The following MICAL3 variants were observed in gnomAD, a reference collection of about 807,000 sequenced individuals.
The protein encoded by MICAL3 is [F-actin]-monooxygenase MICAL3.
In MICAL3, 62 loss-of-function variants were observed where a neutral mutation model predicts 207.4. The ratio of observed to expected loss-of-function variants is 0.30; its 90% CI spans 0.24 to 0.37. The LOEUF (loss-of-function observed/expected upper bound fraction) is 0.37. MICAL3 is among the 10% of genes least tolerant of loss of function. The pLI, the probability that MICAL3 is intolerant of heterozygous loss-of-function variation, is 1.00. For missense variants in MICAL3, 2,368 were observed against 2,635.6 expected, an observed-to-expected ratio of 0.90 and a Z score of 2.22; for synonymous variants, 1,077 against 1,069.3, an observed-to-expected ratio of 1.01 and a Z score of -0.14.
At chr22:17,956,821 C>T (rs1211826074) in intron 1 of MICAL3, among the ~76,000 whole-genome samples, 3 of 152,174 alleles carry the variant, frequency 2.0e-5, no homozygotes, top group Non-Finnish European at 2.9e-5. Context: ...ACTACAGAGA[C>T]GAAGTCAGAC....
intron 22 of MICAL3, among the ~76,000 whole-genome samples, chr22:17,826,273 G>GA (rs1385372722): frequency 7.3e-6 from 1 of 136,290 alleles, no homozygotes; most frequent in Non-Finnish European, 1.7e-5. Context: ...CCTGAAGGGG[G>GA]GGTGTGCGTC....
chr22:17,806,567 A>G (rs2061991593), intron 29 of MICAL3, among the ~76,000 whole-genome samples: 1 of 152,236 alleles, frequency 6.6e-6, no homozygotes, highest in South Asian at 2.1e-4. Context: ...AAACCAACCA[A>G]ATAAAAAAAA....
At chr22:17,799,982 A>ACACACACACACACACG (rs932512538) in intron 29 of MICAL3, among the ~76,000 whole-genome samples, 67 of 147,754 alleles carry the variant, frequency 4.5e-4, no homozygotes, top group African/African-American at 1.3e-3. Flanking sequence ...ACACACACAC[A>ACACACACACACACACG]CGCGTTGGGA....
At chr22:17,822,457 C>G (rs5992116) in intron 23 of MICAL3, among the ~76,000 whole-genome samples, 5,802 of 152,292 alleles carry the variant, frequency 0.038, 351 homozygotes, top group African/African-American at 0.13. Flanking sequence ...CTGCGACAGA[C>G]AAAGACAGGG....
chr22:17,819,298 G>T (rs953403885), intron 25 of MICAL3, among the ~76,000 whole-genome samples, 169 bp from the exon 26 acceptor site: 1 of 152,150 alleles, frequency 6.6e-6, no homozygotes, highest in African/African-American at 2.4e-5. Context: ...TCCACTTTCT[G>T]CTCCAGGTGT....
chr22:17,887,743 C>T (rs1448693475), intron 13 of MICAL3, among the ~76,000 whole-genome samples: 2 of 152,214 alleles, frequency 1.3e-5, no homozygotes, highest in Admixed American at 6.5e-5. Context: ...TTGTTAGTTA[C>T]AGCAGAGTGC....
chr22:17,880,873 CT>C (rs1929350968), intron 16 of MICAL3, among the ~76,000 whole-genome samples: 1 of 152,226 alleles, frequency 6.6e-6, no homozygotes, highest in African/African-American at 2.4e-5. Context: ...AAAGGGCTGC[CT>C]TCAGTGGGGT....
At chr22:17,812,398 C>T (rs556964549) in intron 27 of MICAL3, 32 of 406,048 alleles carry the variant, frequency 7.9e-5, no homozygotes, top group South Asian at 3.0e-4. Flanking sequence ...GCCCCATGCA[C>T]GCACAAACAC....
In MICAL3 at chr22:17,827,794, G is replaced by T; in HGVS notation, c.3056-13C>A. Reference sequence around the variant, plus strand: ...CTCTGGTTCCCGGCTAGTGTCCCAGGGTCAAGGGGTGGAGAAATGAGGTGG... The same window carrying T: ...CTCTGGTTCCCGGCTAGTGTCCCAGTGTCAAGGGGTGGAGAAATGAGGTGG... On this transcript the variant is annotated splice_polypyrimidine_tract_variant and intron_variant, in intron 21 of 31. Coordinates refer to ENST00000441493, the MANE Select transcript of MICAL3 (RefSeq NM_015241.3). 3 of 1,538,316 alleles carry T rather than the reference G, an allele frequency of 2.0e-6. No homozygotes were observed. Among genetic ancestry groups the T allele is most frequent in the Non-Finnish European group, 2.6e-6 (3 of 1,138,900 alleles).
At position 17,864,659 on chromosome 22, in the gene MICAL3, G is replaced by C. The variant is rs1467758646; in HGVS notation, c.2605+240C>G. ...CCGCCCACCGGACGGCCCCATCACT[G>C]GGCCACAGCCTGCCAGTGGAACTCC... On this transcript the variant is annotated intron_variant, in intron 19 of 31. Coordinates refer to ENST00000441493, the MANE Select transcript of MICAL3 (RefSeq NM_015241.3). The C allele has an allele frequency of 1.9e-6, 3 of 1,601,396 alleles. No homozygotes were observed. The South Asian group carries it at 3.3e-5, about 18-fold the overall frequency.
At chr22:17,988,437 G>C (rs965343775) in intron 1 of MICAL3, among the ~76,000 whole-genome samples, 1 of 152,050 alleles carries the variant, frequency 6.6e-6, no homozygotes, top group Non-Finnish European at 1.5e-5. Context: ...AAAGAATGGT[G>C]TTTACATTTC....
intron 1 of MICAL3, among the ~76,000 whole-genome samples, chr22:17,970,202 C>A (rs1434456267): frequency 1.3e-5 from 2 of 152,336 alleles, no homozygotes; most frequent in Admixed American, 6.5e-5. Context: ...GAAGGGAGGA[C>A]AGATGGCTTC....
At chr22:17,809,051 C>G (rs1460665824) in intron 28 of MICAL3, 114 bp from the exon 29 acceptor site, 6 of 899,154 alleles carry the variant, frequency 6.7e-6, no homozygotes, top group Non-Finnish European at 1.0e-5. Context: ...GGAAAGGGCT[C>G]TAGTCTGTGG....
intron 29 of MICAL3, among the ~76,000 whole-genome samples, chr22:17,795,290 A>G (rs971425679): frequency 6.6e-5 from 10 of 152,246 alleles, no homozygotes; most frequent in South Asian, 2.1e-4. Flanking sequence ...TTCAAAGTGT[A>G]GTCTGTCTTC....
At chr22:17,959,730 G>A (rs547282278) in intron 1 of MICAL3, among the ~76,000 whole-genome samples, 1 of 152,072 alleles carries the variant, frequency 6.6e-6, no homozygotes, top group Non-Finnish European at 1.5e-5. Context: ...GTTTTTGTTA[G>A]TAAAGAATTA....
At chr22:17,881,445 C>T in intron 16 of MICAL3, 1 of 659,980 alleles carries the variant, frequency 1.5e-6, no homozygotes, top group Non-Finnish European at 2.6e-6. Flanking sequence ...AGAGGGCAGC[C>T]CAGTGGTCTC....
chr22:17,823,169 C>G, intron 22 of MICAL3, 109 bp from the exon 23 acceptor site: 1 of 733,254 alleles, frequency 1.4e-6, no homozygotes, highest in Non-Finnish European at 2.3e-6. Flanking sequence ...GCCATGCAGG[C>G]CCCAGGAGAG....
rs1569109230 is a variant in MICAL3 at position 17,876,837 on chromosome 22, AGG to A, written c.2242-4816_2242-4815del. 7.9e-5 allele frequency: 11 copies of A among 138,556 alleles called. 1 individual carries two copies. The highest frequency in any genetic ancestry group is 3.3e-4 in the African/African-American group (11 of 33,470). The allele number at this position is 138,556 out of a possible 1,614,324, so 8.6% of individuals were successfully genotyped here. A position where few individuals can be genotyped will look rare whatever the true frequency, so the allele number is the denominator to read the frequency against. On this transcript the variant is annotated intron_variant, in intron 16 of 31. Coordinates refer to ENST00000441493, the MANE Select transcript of MICAL3 (RefSeq NM_015241.3). Reference sequence around the variant, plus strand: ...GGAGGTTAGGGAGGTTATGGAGGTTAGGGAGGTTAGGGAGGTTATGGAGGTTA... The same window carrying A: ...GGAGGTTAGGGAGGTTATGGAGGTTAGAGGTTAGGGAGGTTATGGAGGTTA...
chr22:17,956,395 C>T (rs1465585144), intron 1 of MICAL3, among the ~76,000 whole-genome samples: 3 of 152,180 alleles, frequency 2.0e-5, no homozygotes, highest in Non-Finnish European at 2.9e-5. Flanking sequence ...CACTACCGGC[C>T]GGGCATGGTG....
Sources: allele counts gnomAD v4.1 joint callset (sites outside exome capture counted in the v4.1 genomes callset), GRCh38; gene constraint gnomAD v4.1.1; transcripts MANE v1.5; gene names NCBI Gene and HGNC (gene_info 2026-07-23, HGNC 2026-07-21).